The following TMEM9 variants were observed in gnomAD, a reference collection of about 807,000 sequenced individuals.
TMEM9 encodes proton-transporting V-type ATPase complex assembly regulator TMEM9.
In TMEM9, 13 loss-of-function variants were observed where a neutral mutation model predicts 22.8. The observed-to-expected ratio is 0.57, with a 90% confidence interval of 0.37 to 0.91. The LOEUF (loss-of-function observed/expected upper bound fraction) is 0.91, where lower values mean the gene tolerates loss of function less well. TMEM9 is among the 40% of genes least tolerant of loss of function. TMEM9 has a pLI of 0.01. For synonymous variants in TMEM9, 88 were observed against 93.0 expected (o/e 0.95, Z 0.31); for missense variants, 182 against 238.1 (o/e 0.76, Z 1.55).
At chr1:201,146,677 C>G in intron 3 of TMEM9, 63 bp downstream of exon 3, 1 of 1,499,430 alleles carries the variant, frequency 6.7e-7, no homozygotes, top group South Asian at 1.1e-5. Flanking sequence ...TGGGTGTAGG[C>G]CAGTCTGCGA....
intron 4 of TMEM9, 104 bp from the exon 5 acceptor site, chr1:201,135,919 C>T (rs1043214543): frequency 8.1e-7 from 1 of 1,237,052 alleles, no homozygotes; most frequent in African/African-American, 1.6e-5. Context: ...GCCTTACCTT[C>T]CCCAGACTGG....
chr1:201,151,665 G>C, intron 2 of TMEM9, 96 bp downstream of exon 2: 1 of 868,220 alleles, frequency 1.2e-6, no homozygotes, highest in Admixed American at 1.8e-5. Flanking sequence ...CATAGGAATG[G>C]GAGAGCATGC....
chr1:201,148,524 T>G (rs1023312402), intron 2 of TMEM9, among the ~76,000 whole-genome samples: 1 of 152,268 alleles, frequency 6.6e-6, no homozygotes, highest in African/African-American at 2.4e-5. Flanking sequence ...ACCAAGTGTC[T>G]ATACCCTGGG....
chr1:201,151,789 A>G lies in TMEM9; in HGVS notation c.130T>C (p.Tyr44His). The change falls in exon 2 of 5, where the codon TAC (tyrosine) becomes CAC (histidine). Residue 44 changes from tyrosine to histidine, a missense_variant. Physicochemically the swap from Tyr to His is moderately conservative, Grantham distance 83. Coordinates refer to ENST00000367330, the MANE Select transcript of TMEM9 (RefSeq NM_001288565.2). Reference protein sequence around the residue: ...PPYRNISGHIYNQNVSQKDCN... With the variant: ...PPYRNISGHIHNQNVSQKDCN... ...TCCTTCTGGGATACATTCTGGTTGTAAATGTGCCCACTGATGTTTCTATAA... is the reference window on the plus strand; with the variant it reads ...TCCTTCTGGGATACATTCTGGTTGTGAATGTGCCCACTGATGTTTCTATAA... 1 of 1,614,004 alleles carries G rather than the reference A, an allele frequency of 6.2e-7. No homozygotes were observed. The highest frequency in any genetic ancestry group is 8.5e-7 in the Non-Finnish European group (1 of 1,179,956).
At chr1:201,150,416 T>C (rs762720725) in intron 2 of TMEM9, among the ~76,000 whole-genome samples, 13 of 152,238 alleles carry the variant, frequency 8.5e-5, no homozygotes, top group Non-Finnish European at 1.6e-4. Context: ...TGCCAGGTAT[T>C]GTTCTAAGTG....
chr1:201,138,563 A>T (rs1000998227), intron 4 of TMEM9, among the ~76,000 whole-genome samples: 3 of 152,080 alleles, frequency 2.0e-5, no homozygotes, highest in African/African-American at 7.2e-5. Context: ...TTAGGAGGGG[A>T]GGCGGGTGGA....
intron 1 of TMEM9, among the ~76,000 whole-genome samples, chr1:201,163,487 G>A (rs1665998336): frequency 6.6e-6 from 1 of 152,088 alleles, no homozygotes; most frequent in Non-Finnish European, 1.5e-5. Flanking sequence ...CTACTTGAGA[G>A]GCTGAGACAT....
At position 201,154,306 on chromosome 1, in the gene TMEM9, G is replaced by A; in HGVS notation, c.-383C>T. Reference sequence around the variant, plus strand: ...GCTCCTCCCCGCTCGGGCCCGACGGGAACTTTTGGGTGCGAGTCTGGGACC... The same window carrying A: ...GCTCCTCCCCGCTCGGGCCCGACGGAAACTTTTGGGTGCGAGTCTGGGACC... On this transcript the variant is annotated 5_prime_UTR_variant, in exon 1 of 5. Transcript: ENST00000367330. The A allele has an allele frequency of 5.1e-6, 1 of 194,982 alleles. No homozygotes were observed. The highest frequency in any genetic ancestry group is 8.4e-5 in the South Asian group (1 of 11,944). 12.1% of individuals were successfully genotyped at this position (194,982 alleles called of 1,614,324 possible). A position where few individuals can be genotyped will look rare whatever the true frequency, so the allele number is the denominator to read the frequency against.
rs573087737 is a variant in TMEM9, at chr1:201,154,269, G to C, written c.-346C>G. 1.8e-5 allele frequency: 4 copies of C among 221,844 alleles called. No individual in the cohort carries two copies. The South Asian group carries it at 2.9e-4, about 16-fold the overall frequency. The allele number at this position is 221,844 out of a possible 1,614,324, so 13.7% of individuals were successfully genotyped here. ...ACCGCCCTCCGCCATCTCCGCCTCT[G>C]CCCGCCCCGCAGCTCCTCCCCGCTC... On this transcript the variant is annotated 5_prime_UTR_variant, in exon 1 of 5. Transcript: ENST00000367330.
rs1272663013 is a variant in TMEM9, at chr1:201,135,632, T to C, written c.*31A>G. The C allele has an allele frequency of 2.6e-6, 4 of 1,567,518 alleles. No homozygotes were observed. The highest frequency in any genetic ancestry group is 1.8e-5 in the Admixed American group (1 of 55,532). ...AGCCTGGAAGCTGGCAGCCATGGTG[T>C]TGGGGCCTTGACCCAACCACACCAG... On this transcript the variant is annotated 3_prime_UTR_variant, in exon 5 of 5. Transcript: ENST00000367330.
At position 201,135,589 on chromosome 1, in the gene TMEM9, T is replaced by G; in HGVS notation, c.*74A>C. 2 of 1,409,090 alleles carry G rather than the reference T, an allele frequency of 1.4e-6. No individual in the cohort carries two copies. Among genetic ancestry groups the G allele is most frequent in the South Asian group, 3.1e-5 (2 of 64,054 alleles). 87.3% of individuals were successfully genotyped at this position (1,409,090 alleles called of 1,614,324 possible). On this transcript the variant is annotated 3_prime_UTR_variant, in exon 5 of 5. Coordinates refer to ENST00000367330, the MANE Select transcript of TMEM9 (RefSeq NM_001288565.2). ...GACTGGAACCGAGGGAAGGGAGAAG[T>G]AGCCCCCTGCTTTGTCCAGCCTGGA...
chr1:201,159,988 T>C (rs922050391), intron 1 of TMEM9, among the ~76,000 whole-genome samples: 9 of 152,258 alleles, frequency 5.9e-5, no homozygotes, highest in Admixed American at 4.6e-4. Flanking sequence ...CACCACTGCA[T>C]GTGCTCTTTT....
chr1:201,163,790 G>A (rs901116316), intron 1 of TMEM9, among the ~76,000 whole-genome samples: 37 of 152,154 alleles, frequency 2.4e-4, no homozygotes, highest in Admixed American at 6.5e-4. Flanking sequence ...GATAGAAAAC[G>A]GCACAGCCTC....
intron 1 of TMEM9, among the ~76,000 whole-genome samples, chr1:201,153,147 A>C (rs1427941148): frequency 6.6e-6 from 1 of 152,246 alleles, no homozygotes; most frequent in Non-Finnish European, 1.5e-5. Flanking sequence ...TGGTGATGCT[A>C]CTGTGCTTAG....
Position 201,164,300 on chromosome 1 carries a change from G to T in TMEM9, c.-37+7190C>A, listed in dbSNP as rs551798995. 8.5e-5 allele frequency among the ~76,000 whole-genome samples: 13 copies of T among 152,306 alleles called. No individual in the cohort carries two copies. In the South Asian group the frequency reaches 2.7e-3, roughly 32 times the overall value. ...TAGTGATGGAAATGTTTTGTATCTT[G>T]ATTATGGAAACGTTAATAACCTGGT... On this transcript the variant is annotated intron_variant, in intron 1 of 5. Coordinates refer to the TMEM9 transcript ENST00000367333.
chr1:201,157,912 C>G (rs76984098), upstream of TMEM9, among the ~76,000 whole-genome samples: 260 of 152,280 alleles, frequency 1.7e-3, no homozygotes, highest in African/African-American at 5.7e-3. Context: ...ACATCCTAAT[C>G]CCTGGAACTT....
chr1:201,168,508 C>G (rs1331615213), intron 1 of TMEM9, among the ~76,000 whole-genome samples: 1 of 152,142 alleles, frequency 6.6e-6, no homozygotes, highest in Non-Finnish European at 1.5e-5. Context: ...CACTTGAGGT[C>G]AGGAGTTCAA....
At chr1:201,168,396 T>C (rs183909874) in intron 1 of TMEM9, among the ~76,000 whole-genome samples, 1 of 152,312 alleles carries the variant, frequency 6.6e-6, no homozygotes, top group Non-Finnish European at 1.5e-5. Flanking sequence ...TTAAACTTTT[T>C]CAGATTCTTA....
intron 4 of TMEM9, 80 bp from the exon 5 acceptor site, chr1:201,135,895 G>C (rs543144099): frequency 7.1e-7 from 1 of 1,405,568 alleles, no homozygotes. Context: ...GACATGGAAA[G>C]AACGAACCCC....
Sources: allele counts gnomAD v4.1 joint callset (sites outside exome capture counted in the v4.1 genomes callset), GRCh38; gene constraint gnomAD v4.1.1; transcripts MANE v1.5; gene names NCBI Gene and HGNC (gene_info 2026-07-23, HGNC 2026-07-21).